NBPF11: variants seen among roughly 807,000 people sequenced by gnomAD.
NBPF11 encodes the protein NBPF family member NBPF11.
Under a neutral mutation model 93.9 loss-of-function variants are expected in NBPF11, and 72 were observed. The ratio of observed to expected loss-of-function variants is 0.77; its 90% CI spans 0.63 to 0.93. The LOEUF is 0.93. Among genes scored for constraint, NBPF11 ranks in the 40% least tolerant of loss-of-function variants. The pLI, the probability that NBPF11 is intolerant of heterozygous loss-of-function variation, is 0.00. For missense variants in NBPF11, 705 were observed against 802.2 expected, an observed-to-expected ratio of 0.88 and a Z score of 1.46; for synonymous variants, 224 against 304.9, an observed-to-expected ratio of 0.73 and a Z score of 2.76.
rs1470069393 is a variant in NBPF11 at position 148,103,784 on chromosome 1, T to A, written c.*112A>T. Reference sequence around the variant, plus strand: ...GCTGATGTGCTGTTCCTCAAATGAGTAAAACACACTTCTGTAGTGCTGGAA... The same window carrying A: ...GCTGATGTGCTGTTCCTCAAATGAGAAAAACACACTTCTGTAGTGCTGGAA... On this transcript the variant is annotated 3_prime_UTR_variant, in exon 24 of 24. Coordinates refer to ENST00000682118, the MANE Select transcript of NBPF11 (RefSeq NM_001385469.3). 670 of 1,611,832 alleles carry A rather than the reference T, an allele frequency of 4.2e-4. 8 individuals are homozygous for A. In the African/African-American group the frequency reaches 8.0e-3, roughly 19 times the overall value.
At chr1:148,132,355 AT>A (rs200395353) in intron 4 of NBPF11, among the ~76,000 whole-genome samples, 78,277 of 138,790 alleles carry the variant, frequency 0.56, 22,526 homozygotes, top group African/African-American at 0.73. Flanking sequence ...TATATATTCT[AT>A]TTTTTTTTTT....
intron 12 of NBPF11, among the ~76,000 whole-genome samples, chr1:148,117,261 A>T (rs1456480911): frequency 1.3e-5 from 2 of 149,262 alleles, no homozygotes; most frequent in East Asian, 2.0e-4. Context: ...TTCTTAGTCC[A>T]GAGCTCTTTT....
At chr1:148,148,430 T>G (rs1476581434) in intron 1 of NBPF11, among the ~76,000 whole-genome samples, 7 of 152,226 alleles carry the variant, frequency 4.6e-5, no homozygotes, top group African/African-American at 1.4e-4. Context: ...GCCTTGTAAC[T>G]GGTGCTGGAT....
In NBPF11 at chr1:148,121,970, C is replaced by T. The variant is rs1197223475; in HGVS notation, c.778+85G>A. 1.6e-3 allele frequency: 1,521 copies of T among 942,744 alleles called. 29 individuals are homozygous for T. In the African/African-American group the frequency reaches 0.022, roughly 14 times the overall value. The allele number at this position is 942,744 out of a possible 1,614,324, so 58.4% of individuals were successfully genotyped here. A position where few individuals can be genotyped will look rare whatever the true frequency, so the allele number is the denominator to read the frequency against. On this transcript the variant is annotated intron_variant, in intron 9 of 23. Transcript: ENST00000682118. Reference sequence around the variant, plus strand: ...TCCTAGTTTCTGACTAAAACAATAACAATATGTGTATATACAGCCTGTCCT... The same window carrying T: ...TCCTAGTTTCTGACTAAAACAATAATAATATGTGTATATACAGCCTGTCCT...
intron 15 of NBPF11, among the ~76,000 whole-genome samples, chr1:148,113,209 T>C (rs1187604146): frequency 5.3e-5 from 8 of 152,114 alleles, no homozygotes; most frequent in Non-Finnish European, 1.0e-4. Flanking sequence ...ATCAGTGTGC[T>C]GTACTCAGAA....
intron 2 of NBPF11, among the ~76,000 whole-genome samples, chr1:148,139,010 G>C (rs2149285136): frequency 6.6e-6 from 1 of 151,360 alleles, no homozygotes; most frequent in Non-Finnish European, 1.5e-5. Context: ...AGAATCACTT[G>C]AACTCAGGAG....
chr1:148,134,999 T>C (rs1233773262), intron 4 of NBPF11: 2 of 150,790 alleles, frequency 1.3e-5, no homozygotes, highest in Admixed American at 6.6e-5. Flanking sequence ...TATTTCTCCT[T>C]CATCATAAAA....
intron 1 of NBPF11, among the ~76,000 whole-genome samples, chr1:148,147,284 G>A (rs1168821357): frequency 6.6e-6 from 1 of 152,082 alleles, no homozygotes; most frequent in Non-Finnish European, 1.5e-5. Context: ...CCCATCGGCT[G>A]AGGCAGCACT....
chr1:148,133,036 C>CATGG (rs1670680146), intron 4 of NBPF11, among the ~76,000 whole-genome samples: 1 of 148,860 alleles, frequency 6.7e-6, no homozygotes. Flanking sequence ...AAGTGTGAGC[C>CATGG]ATGGTGCCCA....
intron 21 of NBPF11, among the ~76,000 whole-genome samples, chr1:148,105,869 C>G (rs1473073364): frequency 7.2e-6 from 1 of 139,648 alleles, no homozygotes; most frequent in East Asian, 2.1e-4. Context: ...CCTCAGGACA[C>G]ACAGCATACA....
At chr1:148,126,120 C>G (rs1218228088) in intron 5 of NBPF11, among the ~76,000 whole-genome samples, 78 of 151,932 alleles carry the variant, frequency 5.1e-4, no homozygotes, top group African/African-American at 1.6e-3. Context: ...CCTGCCTCAG[C>G]CTCCCGATTA....
intron 17 of NBPF11, among the ~76,000 whole-genome samples, chr1:148,108,862 C>A (rs1295748518): frequency 9.4e-5 from 14 of 148,720 alleles, no homozygotes; most frequent in African/African-American, 3.3e-4. Flanking sequence ...CACACACACA[C>A]ACACACACAC....
intron 1 of NBPF11, among the ~76,000 whole-genome samples, chr1:148,144,977 G>A (rs1672761801): frequency 6.7e-6 from 1 of 148,482 alleles, no homozygotes; most frequent in Non-Finnish European, 1.5e-5. Context: ...GGTGGCACAC[G>A]CCTATAGTCG....
At chr1:148,145,920 C>T (rs1672927382) in intron 1 of NBPF11, among the ~76,000 whole-genome samples, 1 of 151,828 alleles carries the variant, frequency 6.6e-6, no homozygotes, top group African/African-American at 2.4e-5. Context: ...CATGAAAAAA[C>T]GTCATTAAAA....
chr1:148,116,974 G>A (rs1571433011), intron 12 of NBPF11, among the ~76,000 whole-genome samples: 1 of 152,190 alleles, frequency 6.6e-6, no homozygotes, highest in Non-Finnish European at 1.5e-5. Context: ...GGCTTCTGCT[G>A]TGTTATTCAG....
intron 10 of NBPF11, among the ~76,000 whole-genome samples, chr1:148,119,436 G>A (rs1384833098): frequency 1.3e-5 from 2 of 151,958 alleles, no homozygotes; most frequent in Non-Finnish European, 1.5e-5. Context: ...TATTATTGTA[G>A]TACCCTCTGA....
intron 6 of NBPF11, among the ~76,000 whole-genome samples, 163 bp from the exon 7 acceptor site, chr1:148,124,230 T>C (rs2149244155): frequency 6.6e-6 from 1 of 151,734 alleles, no homozygotes; most frequent in African/African-American, 2.4e-5. Flanking sequence ...GAACAGAAAA[T>C]GGTCTACAGG....
At position 148,117,125 on chromosome 1, in the gene NBPF11, G is replaced by C. The variant is rs1666753670; in HGVS notation, c.1306+447C>G. Among the ~76,000 whole-genome samples the C allele has an allele frequency of 2.0e-5, 3 of 151,988 alleles. No homozygotes were observed. The South Asian group carries it at 6.2e-4, about 32-fold the overall frequency. On this transcript the variant is annotated intron_variant, in intron 12 of 23. Coordinates refer to ENST00000682118, the MANE Select transcript of NBPF11 (RefSeq NM_001385469.3). Reference sequence around the variant, plus strand: ...AGCAGTTGTAAGTGTTCCCACATTTGAATGCTTCAGACCTTGCAAGAGACA... The same window carrying C: ...AGCAGTTGTAAGTGTTCCCACATTTCAATGCTTCAGACCTTGCAAGAGACA...
In NBPF11 at chr1:148,103,215, G is replaced by C; in HGVS notation, c.*681C>G. On this transcript the variant is annotated 3_prime_UTR_variant, in exon 24 of 24. Transcript: ENST00000682118. ...CAATCCTCAGCCAAGGATCCCTCCT[G>C]TGTTACAGATGGATCAGCTAAAACA... The C allele has an allele frequency of 8.8e-6, 2 of 226,346 alleles. No homozygotes were observed. Among genetic ancestry groups the C allele is most frequent in the Non-Finnish European group, 8.6e-6 (1 of 116,094 alleles). 14.0% of individuals were successfully genotyped at this position (226,346 alleles called of 1,614,324 possible).
Sources: gnomAD v4.1 joint callset for allele counts (sites outside exome capture counted in the v4.1 genomes callset) on GRCh38, gnomAD v4.1.1 for gene constraint, MANE v1.5 for transcripts, NCBI Gene and HGNC (gene_info 2026-07-23, HGNC 2026-07-21) for gene names.